The following TLE3 variants were observed in gnomAD, a reference collection of about 807,000 sequenced individuals.
TLE3 encodes transducin-like enhancer protein 3.
A neutral mutation model predicts 93.0 loss-of-function variants in TLE3; 14 were observed. The ratio of observed to expected loss-of-function variants is 0.15; its 90% CI spans 0.10 to 0.24. The LOEUF is 0.24. Ranked by LOEUF, TLE3 falls within the 10% of genes least tolerant of loss-of-function variation. The pLI is 1.00. For missense variants in TLE3, 693 were observed against 1,046.6 expected, an observed-to-expected ratio of 0.66 and a Z score of 4.66; for synonymous variants, 451 against 425.0, an observed-to-expected ratio of 1.06 and a Z score of -0.75.
chr15:70,055,387 C>G, intron 14 of TLE3, 89 bp from the exon 15 acceptor site: 1 of 1,495,748 alleles, frequency 6.7e-7, no homozygotes, highest in South Asian at 1.3e-5. Flanking sequence ...GCACTGCCCC[C>G]GACTGGCTGC....
At chr15:70,076,240 T>TC (rs1306758563) in intron 4 of TLE3, 82 bp from the exon 5 acceptor site, 2 of 1,127,346 alleles carry the variant, frequency 1.8e-6, no homozygotes, top group Non-Finnish European at 1.3e-6. Context: ...AAATGCAAAC[T>TC]CCCCCCAGAC....
intron 2 of TLE3, 173 bp downstream of exon 2, chr15:70,095,988 G>T: frequency 1.2e-6 from 1 of 803,662 alleles, no homozygotes; most frequent in Non-Finnish European, 1.9e-6. Flanking sequence ...GGCTGCTGCG[G>T]GCAGTAAAGG....
At chr15:70,081,250 G>A (rs2057763219) in intron 4 of TLE3, among the ~76,000 whole-genome samples, 1 of 152,212 alleles carries the variant, frequency 6.6e-6, no homozygotes, top group Non-Finnish European at 1.5e-5. Flanking sequence ...CTAATTTAGA[G>A]TTTTAGAACC....
At chr15:70,075,605 T>C (rs2057401539) in intron 5 of TLE3, among the ~76,000 whole-genome samples, 1 of 152,172 alleles carries the variant, frequency 6.6e-6, no homozygotes, top group South Asian at 2.1e-4. Context: ...GTCTGTCTGG[T>C]CGGCACCAGG....
chr15:70,096,781 T>C lies in TLE3; in HGVS notation c.18A>G (p.Arg6=). 1.2e-6 allele frequency: 2 copies of C among 1,613,390 alleles called. No individual in the cohort carries two copies. Among genetic ancestry groups the C allele is most frequent in the South Asian group, 1.1e-5 (1 of 90,968 alleles). The part of the protein sequence containing the change: MYPQG[R]HPAPHQPGQP... Reference sequence around the variant, plus strand: ...CCGAGTTGCAATTACTCACCGGATGTCTGCCCTGCGGATACATGGCAGGGA... The same window carrying C: ...CCGAGTTGCAATTACTCACCGGATGCCTGCCCTGCGGATACATGGCAGGGA... Residue 6 remains arginine (R), a synonymous_variant, in exon 1 of 20, where the codon AGA becomes AGG. Transcript: ENST00000451782.
At chr15:70,076,730 T>C (rs1446841392) in intron 4 of TLE3, among the ~76,000 whole-genome samples, 3 of 152,150 alleles carry the variant, frequency 2.0e-5, no homozygotes, top group African/African-American at 7.2e-5. Context: ...TCTTTTTTTT[T>C]CTTTCCCATT....
At position 70,094,402 on chromosome 15, in the gene TLE3, T is replaced by A. The variant is rs546405008; in HGVS notation, c.234+130A>T. On this transcript the variant is annotated intron_variant, in intron 4 of 19. Coordinates refer to ENST00000451782, the MANE Select transcript of TLE3 (RefSeq NM_001105192.3). ...CCTTGCATTTCAAGGACTGGATCCA[T>A]TCACTCTTCAAGGAGAAGGGGGAGG... The A allele has an allele frequency of 2.6e-4, 184 of 717,224 alleles. 3 individuals carry two copies. In the South Asian group the frequency reaches 3.3e-3, roughly 13 times the overall value. 44.4% of individuals were successfully genotyped at this position (717,224 alleles called of 1,614,324 possible).
Position 70,070,820 on chromosome 15 carries a change from C to A in TLE3, c.372+3713G>T, listed in dbSNP as rs142094057. Among the ~76,000 whole-genome samples, 665 of 152,300 alleles carry A rather than the reference C, an allele frequency of 4.4e-3. 5 individuals are homozygous for A. Among genetic ancestry groups the A allele is most frequent in the African/African-American group, 0.015 (634 of 41,562 alleles). On this transcript the variant is annotated intron_variant, in intron 6 of 19. Transcript: ENST00000451782. The stretch of plus-strand genomic sequence containing the variant: ...CCTTTCCCCTCACACAAAATTCAGT[C>A]AACTGAATGCAGCTCATCCACATCC...
chr15:70,061,437 G>C (rs2056468327), intron 8 of TLE3, among the ~76,000 whole-genome samples: 1 of 152,126 alleles, frequency 6.6e-6, no homozygotes, highest in Non-Finnish European at 1.5e-5. Context: ...AATTTCGTGA[G>C]TTCTCCCTCA....
chr15:70,056,373 A>G lies in TLE3; in HGVS notation c.1253T>C (p.Val418Ala), dbSNP rs2141455629. 1.2e-6 allele frequency: 2 copies of G among 1,612,782 alleles called. No homozygotes were observed. Among genetic ancestry groups the G allele is most frequent in the East Asian group, 4.5e-5 (2 of 44,870 alleles). ...GRSPMVSFGA[V>A]GFDPHPPMRA... ...CATCGGGGGGTGAGGGTCAAAACCA[A>G]CCTGTAAAGCAAGGCAAGACAGCCC... Residue 418 changes from valine (V) to alanine (A), a missense_variant and splice_region_variant, in exon 14 of 20, where the codon GTT (valine) becomes GCT (alanine). This residue lies in a region of TLE3 where 405 missense variants were observed against 468.9 expected (regional missense o/e 0.86). Coordinates refer to ENST00000451782, the MANE Select transcript of TLE3 (RefSeq NM_001105192.3).
Position 70,055,454 on chromosome 15 carries a change from G to C in TLE3, c.1329-156C>G, listed in dbSNP as rs547558570. 8 of 1,031,354 alleles carry C rather than the reference G, an allele frequency of 7.8e-6. 1 individual carries two copies. In the East Asian group the frequency reaches 1.4e-4, roughly 18 times the overall value. The allele number at this position is 1,031,354 out of a possible 1,614,324, so 63.9% of individuals were successfully genotyped here. ...TTCGAACCCAGTAACCCCATGTACTGGGATGGCTCCATCGAGGTAGACATG... is the reference window on the plus strand; with the variant it reads ...TTCGAACCCAGTAACCCCATGTACTCGGATGGCTCCATCGAGGTAGACATG... On this transcript the variant is annotated intron_variant, in intron 14 of 19. Coordinates refer to ENST00000451782, the MANE Select transcript of TLE3 (RefSeq NM_001105192.3).
rs953130735 is a variant in TLE3, at chr15:70,057,565, C to T, written c.1145G>A (p.Ser382Asn). ...GTGGAGGCCGGCGTAGGCGCCAGGA[C>T]TGGTGAGGGAGCCGTTCATCTCATG... Reference protein sequence around the residue: ...SHHEMNGSLTSPGAYAGLHNI... With the variant: ...SHHEMNGSLTNPGAYAGLHNI... The change falls in exon 13 of 20, where the codon AGT becomes AAT. Residue 382 changes from serine to asparagine, a missense_variant. Ser to Asn is a conservative substitution (Grantham distance 46). Around this residue, in one of 4 missense-constraint regions of TLE3, gnomAD observed 405 missense variants for 468.9 expected, o/e 0.86. Transcript: ENST00000451782. 3 of 1,601,692 alleles carry T rather than the reference C, an allele frequency of 1.9e-6. No individual in the cohort carries two copies. Among genetic ancestry groups the T allele is most frequent in the East Asian group, 4.5e-5 (2 of 44,346 alleles).
In TLE3 at chr15:70,066,973, T is replaced by C. The variant is rs1334742180; in HGVS notation, c.373-755A>G. On this transcript the variant is annotated intron_variant, in intron 6 of 19. Transcript: ENST00000451782. ...GGGGAAAGCAGCAGACCCCAGAGGA[T>C]TATTGTAAGATAATGTTTGCAGCAG... 2.2e-5 allele frequency: 7 copies of C among 311,156 alleles called. No individual in the cohort carries two copies. In the Admixed American group the frequency reaches 2.7e-4, roughly 12 times the overall value. The allele number at this position is 311,156 out of a possible 1,614,324, so 19.3% of individuals were successfully genotyped here.
chr15:70,081,906 G>A (rs944392919), intron 4 of TLE3, among the ~76,000 whole-genome samples: 1 of 152,224 alleles, frequency 6.6e-6, no homozygotes, highest in Non-Finnish European at 1.5e-5. Context: ...TCTAGAAAAT[G>A]TGTGTGTTTG....
Position 70,054,423 on chromosome 15 carries a change from C to T in TLE3, c.1826+15G>A. The T allele has an allele frequency of 6.2e-7, 1 of 1,607,002 alleles. No individual in the cohort carries two copies. The highest frequency in any genetic ancestry group is 8.5e-7 in the Non-Finnish European group (1 of 1,174,896). On this transcript the variant is annotated intron_variant, in intron 16 of 19. Coordinates refer to ENST00000451782, the MANE Select transcript of TLE3 (RefSeq NM_001105192.3). ...CCCCAGGACGAGGCACTAATGCTCC[C>T]TCCTGCCGGCTCACCTGACCAGGGT...
intron 4 of TLE3, among the ~76,000 whole-genome samples, chr15:70,084,612 G>A (rs370421050): frequency 2.6e-3 from 400 of 152,326 alleles, no homozygotes; most frequent in Non-Finnish European, 4.6e-3. Flanking sequence ...TGAGGTCCAC[G>A]AGGGAAGCAG....
In TLE3 at chr15:70,080,547, C is replaced by A. The variant is rs958104796; in HGVS notation, c.235-4389G>T. On this transcript the variant is annotated intron_variant, in intron 4 of 19. Transcript: ENST00000451782. Reference sequence around the variant, plus strand: ...GCTGGGAGTAACATCTGCCCTGCATCTCTGTCAAGATTGTTAGGCAAATAA... The same window carrying A: ...GCTGGGAGTAACATCTGCCCTGCATATCTGTCAAGATTGTTAGGCAAATAA... Among the ~76,000 whole-genome samples, 5 of 152,162 alleles carry A rather than the reference C, an allele frequency of 3.3e-5. No homozygotes were observed. In the East Asian group the frequency reaches 9.6e-4, roughly 29 times the overall value.
In TLE3 at chr15:70,058,098, C is replaced by G; in HGVS notation, c.1051+61G>C. On this transcript the variant is annotated intron_variant, in intron 12 of 19. Coordinates refer to ENST00000451782, the MANE Select transcript of TLE3 (RefSeq NM_001105192.3). This position sits in a 1 kb window ranked among gnomAD's most constrained non-coding sequence, Gnocchi z 4.1. ...GCGTGTGTGTCACCCCTGCCCTGGCCAAGAGCAGACCCCCTCCCCCCAATC... is the reference window on the plus strand; with the variant it reads ...GCGTGTGTGTCACCCCTGCCCTGGCGAAGAGCAGACCCCCTCCCCCCAATC... 1 of 1,611,550 alleles carries G rather than the reference C, an allele frequency of 6.2e-7. No individual in the cohort carries two copies. The highest frequency in any genetic ancestry group is 1.1e-5 in the South Asian group (1 of 90,566).
chr15:70,065,841 T>C (rs1403260734), intron 7 of TLE3, among the ~76,000 whole-genome samples, 173 bp downstream of exon 7: 1 of 152,186 alleles, frequency 6.6e-6, no homozygotes, highest in Non-Finnish European at 1.5e-5. Context: ...AAAAGGTGCA[T>C]GGGATGCGGA....
Sources: gnomAD v4.1 joint callset for allele counts (sites outside exome capture counted in the v4.1 genomes callset) on GRCh38, gnomAD v4.1.1 for gene constraint, gnomAD v4.1.1 regional missense constraint, Gnocchi (gnomAD v3.1) non-coding constraint, MANE v1.5 for transcripts, NCBI Gene and HGNC (gene_info 2026-07-23, HGNC 2026-07-21) for gene names.